NRG3: variants seen among roughly 807,000 people sequenced by gnomAD.
NRG3 encodes neuregulin 3, also known as pro-neuregulin-3, membrane-bound isoform.
NRG3 carries 31 observed loss-of-function variants against 66.9 expected under a neutral mutation model. The ratio of observed to expected loss-of-function variants is 0.46; its 90% confidence interval spans 0.35 to 0.63. The LOEUF (loss-of-function observed/expected upper bound fraction) is 0.63, where lower values mean the gene tolerates loss of function less well. Ranked by LOEUF, NRG3 falls within the 20% of genes least tolerant of loss-of-function variation. NRG3 has a pLI of 0.00. For missense variants in NRG3, 910 were observed against 878.9 expected (o/e 1.04, Z -0.45); for synonymous variants, 393 against 359.4 (o/e 1.09, Z -1.06).
intron 2 of NRG3, among the ~76,000 whole-genome samples, chr10:82,422,045 A>C (rs908010435): frequency 3.3e-5 from 5 of 152,064 alleles, no homozygotes; most frequent in African/African-American, 1.2e-4. Context: ...CATGTGATAT[A>C]TGATCGTTTA....
rs1370817006 is a variant in NRG3 at position 82,739,090 on chromosome 10, A to T, written c.1027+440A>T. Reference sequence around the variant, plus strand: ...ACCTTACTAAAGTAAGAAAACGTGTACGAAATCATGTAAGAAGTTTTCAAG... The same window carrying T: ...ACCTTACTAAAGTAAGAAAACGTGTTCGAAATCATGTAAGAAGTTTTCAAG... On this transcript the variant is annotated intron_variant, in intron 3 of 8. Transcript: ENST00000372141. Among the ~76,000 whole-genome samples, 34 of 152,254 alleles carry T rather than the reference A, an allele frequency of 2.2e-4. 1 individual carries two copies. The highest frequency in any genetic ancestry group is 2.1e-3 in the Admixed American group (32 of 15,288).
At chr10:82,091,938 A>G (rs998271653) in intron 1 of NRG3, among the ~76,000 whole-genome samples, 6 of 152,186 alleles carry the variant, frequency 3.9e-5, no homozygotes, top group African/African-American at 1.4e-4. Context: ...AGTCATCAAT[A>G]TATCTTACTT....
At chr10:82,588,391 T>C (rs545311290) in intron 2 of NRG3, among the ~76,000 whole-genome samples, 18 of 152,154 alleles carry the variant, frequency 1.2e-4, no homozygotes, top group Non-Finnish European at 2.1e-4. Context: ...CCATATGACA[T>C]GCTTGCTCCC....
chr10:82,429,709 G>A (rs1176685495), intron 2 of NRG3, among the ~76,000 whole-genome samples: 6 of 151,758 alleles, frequency 4.0e-5, no homozygotes, highest in African/African-American at 1.2e-4. Context: ...TATTTTTTCC[G>A]CTATATTCTC....
intron 1 of NRG3, among the ~76,000 whole-genome samples, chr10:81,933,107 C>CAAAAAAAAAAAAAA (rs769607380): frequency 5.0e-5 from 3 of 59,512 alleles, no homozygotes; most frequent in South Asian, 4.9e-4. Context: ...CGCTCCATCT[C>CAAAAAAAAAAAAAA]AAAAAAAAAA....
At chr10:82,662,019 A>T (rs1360077579) in intron 2 of NRG3, among the ~76,000 whole-genome samples, 1 of 152,142 alleles carries the variant, frequency 6.6e-6, no homozygotes, top group African/African-American at 2.4e-5. Flanking sequence ...CTTCCTCCCA[A>T]TGCCCTGATT....
At chr10:82,682,398 C>T (rs201949383) in intron 2 of NRG3, among the ~76,000 whole-genome samples, 26 of 149,642 alleles carry the variant, frequency 1.7e-4, no homozygotes, top group Admixed American at 4.7e-4. Flanking sequence ...AGTAGATAGA[C>T]AGATAGATAG....
chr10:82,568,074 A>G (rs921022081), intron 2 of NRG3, among the ~76,000 whole-genome samples: 1 of 151,970 alleles, frequency 6.6e-6, no homozygotes, highest in Admixed American at 6.6e-5. Flanking sequence ...AGAGGAAGAT[A>G]ATGAAAATAT....
At chr10:82,756,450 G>A (rs1170322828) in intron 3 of NRG3, among the ~76,000 whole-genome samples, 1 of 152,050 alleles carries the variant, frequency 6.6e-6, no homozygotes, top group African/African-American at 2.4e-5. Context: ...AAACTTTCCA[G>A]TCAGATAATA....
At chr10:82,761,918 CTTTCTCTT>C (rs1463251393) in intron 3 of NRG3, among the ~76,000 whole-genome samples, 90 of 127,300 alleles carry the variant, frequency 7.1e-4, no homozygotes, top group Admixed American at 9.6e-4. Context: ...TTCTTTCTTT[CTTTCTCTT>C]TCTTTCTTTC....
In NRG3 at chr10:82,348,869, A is replaced by T. The variant is rs1240677233; in HGVS notation, c.824-9870A>T. Among the ~76,000 whole-genome samples, 14 of 148,780 alleles carry T rather than the reference A, an allele frequency of 9.4e-5. No individual in the cohort carries two copies. In the Admixed American group the frequency reaches 9.4e-4, roughly 10 times the overall value. On this transcript the variant is annotated intron_variant, in intron 1 of 8. Transcript: ENST00000372141. ...TTCCAGTTGATTGCATCGGCTCCTG[A>T]GGCTTCTGCATTCTTCACGTAGTTC...
At chr10:82,248,263 T>TC (rs1229487426) in intron 1 of NRG3, among the ~76,000 whole-genome samples, 16 of 152,226 alleles carry the variant, frequency 1.1e-4, no homozygotes, top group African/African-American at 3.9e-4. Context: ...TGAAATCCTC[T>TC]ATACTGTGGC....
chr10:82,588,710 C>A (rs2046816261), intron 2 of NRG3, among the ~76,000 whole-genome samples: 1 of 152,064 alleles, frequency 6.6e-6, no homozygotes, highest in African/African-American at 2.4e-5. Context: ...ACTGTGTTAG[C>A]CAGGATGGTC....
intron 3 of NRG3, among the ~76,000 whole-genome samples, chr10:82,795,962 T>A (rs561025215): frequency 6.6e-6 from 1 of 152,250 alleles, no homozygotes; most frequent in East Asian, 1.9e-4. Context: ...AAGAAGGTCG[T>A]TCCTTTAACT....
At chr10:82,058,379 A>G (rs1348757920) in intron 1 of NRG3, among the ~76,000 whole-genome samples, 1 of 151,952 alleles carries the variant, frequency 6.6e-6, no homozygotes, top group Non-Finnish European at 1.5e-5. Context: ...ATGCTTAGAA[A>G]ATTGTCTCCG....
chr10:82,102,143 T>TATATATGTGTGTATTC (rs1590118741), intron 1 of NRG3, among the ~76,000 whole-genome samples: 6 of 47,670 alleles, frequency 1.3e-4, no homozygotes, highest in East Asian at 7.3e-4. Flanking sequence ...CATATATATA[T>TATATATGTGTGTATTC]ATATATATAT....
chr10:82,742,402 C>G (rs2058464710), intron 3 of NRG3, among the ~76,000 whole-genome samples: 1 of 152,028 alleles, frequency 6.6e-6, no homozygotes, highest in Non-Finnish European at 1.5e-5. Flanking sequence ...TCTTTTAAAT[C>G]CCAAGAACCT....
rs1053226705 is a variant in NRG3 at position 82,442,783 on chromosome 10, G to T, written c.953+83915G>T. Among the ~76,000 whole-genome samples, 8 of 92,746 alleles carry T rather than the reference G, an allele frequency of 8.6e-5. No homozygotes were observed. In the South Asian group the frequency reaches 2.4e-3, roughly 28 times the overall value. 60.8% of individuals were successfully genotyped at this position (92,746 alleles called of 152,430 possible). ...GCACCAAAGATCTTATTTCTGTGTG[G>T]ATTTTTTTTTTTTTTTTTTTTTTTT... is the stretch of plus-strand genomic sequence containing the variant. On this transcript the variant is annotated intron_variant, in intron 2 of 8. Transcript: ENST00000372141.
intron 2 of NRG3, among the ~76,000 whole-genome samples, chr10:82,718,798 A>G (rs2057125277): frequency 6.6e-6 from 1 of 152,226 alleles, no homozygotes; most frequent in African/African-American, 2.4e-5. Flanking sequence ...TACTTCTGAC[A>G]AATGATTTTT....
Sources: allele counts gnomAD v4.1 joint callset (sites outside exome capture counted in the v4.1 genomes callset), GRCh38; gene constraint gnomAD v4.1.1; transcripts MANE v1.5; gene names NCBI Gene and HGNC (gene_info 2026-07-23, HGNC 2026-07-21).